SLC9B2: variants seen among roughly 807,000 people sequenced by gnomAD.
SLC9B2 encodes sodium/hydrogen exchanger 9B2.
A neutral mutation model predicts 52.2 loss-of-function variants in SLC9B2; 39 were observed. The ratio of observed to expected loss-of-function variants is 0.75; its 90% CI spans 0.58 to 0.98. The LOEUF (loss-of-function observed/expected upper bound fraction) is 0.98. Among genes scored for constraint, SLC9B2 ranks in the 50% least tolerant of loss-of-function variants. The probability of loss-of-function intolerance (pLI) is 0.00; values close to 1 mark genes in which losing one functional copy is unlikely to be tolerated. For synonymous variants in SLC9B2, 214 were observed against 227.0 expected, an observed-to-expected ratio of 0.94 and a Z score of 0.51; for missense variants, 626 against 637.5, an observed-to-expected ratio of 0.98 and a Z score of 0.19.
intron 3 of SLC9B2, among the ~76,000 whole-genome samples, chr4:103,058,996 G>A (rs747484816): frequency 9.9e-5 from 15 of 152,084 alleles, no homozygotes; most frequent in Non-Finnish European, 2.2e-4. Flanking sequence ...GAGCCCAGAA[G>A]TTTGAGGATG....
At chr4:103,054,184 G>A (rs1049356921) in intron 4 of SLC9B2, among the ~76,000 whole-genome samples, 5 of 152,074 alleles carry the variant, frequency 3.3e-5, no homozygotes, top group African/African-American at 9.7e-5. Flanking sequence ...CAGGAAGATT[G>A]TTTGAGCCCA....
chr4:103,077,008 C>G (rs1203118750), upstream of SLC9B2: 1 of 152,216 alleles, frequency 6.6e-6, no homozygotes, highest in Non-Finnish European at 1.5e-5. Context: ...CGCTTAACAC[C>G]TGCCCTTCTT....
intron 9 of SLC9B2, among the ~76,000 whole-genome samples, chr4:103,032,939 T>C (rs1321195221): frequency 6.6e-6 from 1 of 152,184 alleles, no homozygotes; most frequent in Non-Finnish European, 1.5e-5. Context: ...ATTATAGCCA[T>C]AGGTGCTATT....
intron 3 of SLC9B2, among the ~76,000 whole-genome samples, chr4:103,062,237 A>G (rs1236905912): frequency 2.0e-5 from 3 of 152,274 alleles, no homozygotes; most frequent in Admixed American, 6.5e-5. Flanking sequence ...CCTGACCAAC[A>G]TGGTGAAACC....
chr4:103,023,291 TAA>T lies in SLC9B2; in HGVS notation c.*3077_*3078del, dbSNP rs1432820474. Among the ~76,000 whole-genome samples the T allele has an allele frequency of 3.3e-5, 5 of 152,196 alleles. No individual in the cohort carries two copies. The highest frequency in any genetic ancestry group is 5.9e-5 in the Non-Finnish European group (4 of 68,044). ...TCCTACCCATAGGGAGCTGATTTAATAAGAGACAAACATGTAAATAAAGTGAA... is the reference window on the plus strand; with the variant it reads ...TCCTACCCATAGGGAGCTGATTTAATGAGACAAACATGTAAATAAAGTGAA... On this transcript the variant is annotated 3_prime_UTR_variant, in exon 12 of 12. Coordinates refer to ENST00000394785, the MANE Select transcript of SLC9B2 (RefSeq NM_178833.7).
chr4:103,066,233 G>GTGAA, intron 3 of SLC9B2, 94 bp downstream of exon 3: 1 of 1,413,012 alleles, frequency 7.1e-7, no homozygotes, highest in Non-Finnish European at 9.6e-7. Context: ...TTTGGGAGAA[G>GTGAA]TGAACTTCTT....
chr4:103,063,584 A>G (rs946423792), intron 3 of SLC9B2, among the ~76,000 whole-genome samples: 1 of 152,158 alleles, frequency 6.6e-6, no homozygotes, highest in African/African-American at 2.4e-5. Flanking sequence ...ACATAAAATT[A>G]TGAAACTATT....
intron 6 of SLC9B2, 189 bp downstream of exon 6, chr4:103,048,704 C>A (rs1273850836): frequency 3.1e-6 from 2 of 649,918 alleles, no homozygotes; most frequent in African/African-American, 1.9e-5. Flanking sequence ...TAGGTGCTAA[C>A]TGTAAGAGTT....
intron 3 of SLC9B2, among the ~76,000 whole-genome samples, chr4:103,060,507 T>TTTTTTTG (rs1560557142): frequency 6.6e-6 from 1 of 151,256 alleles, no homozygotes; most frequent in Non-Finnish European, 1.5e-5. Flanking sequence ...TTGAAATCTG[T>TTTTTTTG]TTTTTTGTTT....
At position 103,026,283 on chromosome 4, in the gene SLC9B2, A is replaced by G. The variant is rs1742197151; in HGVS notation, c.*87T>C. 2 of 1,239,848 alleles carry G rather than the reference A, an allele frequency of 1.6e-6. No individual in the cohort carries two copies. The highest frequency in any genetic ancestry group is 2.2e-6 in the Non-Finnish European group (2 of 889,736). 76.8% of individuals were successfully genotyped at this position (1,239,848 alleles called of 1,614,324 possible). ...TACACTTTTGGTTCTATTACATTTT[A>G]AGCTTAAACATTACATATTTCAATA... On this transcript the variant is annotated 3_prime_UTR_variant, in exon 12 of 12. Transcript: ENST00000394785.
downstream of SLC9B2, among the ~76,000 whole-genome samples, chr4:103,018,928 C>A (rs763324911): frequency 3.3e-5 from 5 of 152,184 alleles, no homozygotes; most frequent in Non-Finnish European, 7.3e-5. Flanking sequence ...CTCATAGGAG[C>A]ACAGACCTGA....
chr4:103,018,882 C>A (rs924921592), downstream of SLC9B2, among the ~76,000 whole-genome samples: 1 of 152,314 alleles, frequency 6.6e-6, no homozygotes, highest in African/African-American at 2.4e-5. Flanking sequence ...TATGCCTGAG[C>A]TCCAGCTCCT....
At position 103,075,258 on chromosome 4, in the gene SLC9B2, T is replaced by TTCAGCC. The variant is rs548494170; in HGVS notation, c.-43+920_-43+925dup. On this transcript the variant is annotated intron_variant, in intron 1 of 11. Coordinates refer to ENST00000394785, the MANE Select transcript of SLC9B2 (RefSeq NM_178833.7). ...TGTGCCTCCTGGGTTCAAGCGATTC[T>TTCAGCC]TCAGCCTCAGCCTCCGGAATAGCTG... Among the ~76,000 whole-genome samples, 136 of 152,294 alleles carry TTCAGCC rather than the reference T, an allele frequency of 8.9e-4. 1 individual carries two copies. Among genetic ancestry groups the TTCAGCC allele is most frequent in the African/African-American group, 3.2e-3 (135 of 41,548 alleles).
At chr4:103,060,667 T>G (rs977354922) in intron 3 of SLC9B2, among the ~76,000 whole-genome samples, 1 of 152,118 alleles carries the variant, frequency 6.6e-6, no homozygotes, top group Non-Finnish European at 1.5e-5. Context: ...TAGTTTGTCT[T>G]TTGCAACAGT....
At chr4:103,040,307 T>C (rs1398047859) in intron 9 of SLC9B2, among the ~76,000 whole-genome samples, 1 of 152,214 alleles carries the variant, frequency 6.6e-6, no homozygotes, top group Non-Finnish European at 1.5e-5. Flanking sequence ...GTAATGAAAG[T>C]AGAAGGACTA....
intron 1 of SLC9B2, among the ~76,000 whole-genome samples, chr4:103,070,922 G>A (rs545290507): frequency 5.9e-5 from 9 of 152,208 alleles, no homozygotes; most frequent in South Asian, 2.1e-4. Flanking sequence ...CATTTATAGT[G>A]GGGGCGACAG....
rs898931551 is a variant in SLC9B2, at chr4:103,066,203, T to C, written c.271+124A>G. On this transcript the variant is annotated intron_variant, in intron 3 of 11. Transcript: ENST00000394785. ...CAGAGCCACCCATGTGTGTGAATTG[T>C]TCACCAACTAGTTTTTATGTTTGGG... 4.4e-6 allele frequency: 5 copies of C among 1,147,998 alleles called. No individual in the cohort carries two copies. The African/African-American group carries it at 7.8e-5, about 18-fold the overall frequency. The allele number at this position is 1,147,998 out of a possible 1,614,324, so 71.1% of individuals were successfully genotyped here. A position where few individuals can be genotyped will look rare whatever the true frequency, so the allele number is the denominator to read the frequency against.
chr4:103,070,967 GT>G (rs1234750017), intron 1 of SLC9B2, among the ~76,000 whole-genome samples: 2 of 151,772 alleles, frequency 1.3e-5, no homozygotes, highest in African/African-American at 4.8e-5. Context: ...AAAGAAAAAA[GT>G]TTTCTTAACC....
At chr4:103,019,026 A>G (rs1037690798), downstream of SLC9B2, among the ~76,000 whole-genome samples, 2 of 152,084 alleles carry the variant, frequency 1.3e-5, no homozygotes, top group Non-Finnish European at 2.9e-5. Context: ...GTGTCATCCC[A>G]TCTTGCCCCC....
Sources: gnomAD v4.1 joint callset for allele counts (sites outside exome capture counted in the v4.1 genomes callset) on GRCh38, gnomAD v4.1.1 for gene constraint, MANE v1.5 for transcripts, NCBI Gene and HGNC (gene_info 2026-07-23, HGNC 2026-07-21) for gene names.